The following PEX1 variants were observed in gnomAD, a reference collection of about 807,000 sequenced individuals.
The protein encoded by PEX1 is peroxisomal biogenesis factor 1, also known as peroxisomal ATPase PEX1.
A neutral mutation model predicts 152.5 loss-of-function variants in PEX1; 97 were observed. The ratio of observed to expected loss-of-function variants is 0.64; its 90% CI spans 0.54 to 0.75. PEX1 has a LOEUF of 0.75. Among genes scored for constraint, PEX1 ranks in the 30% least tolerant of loss-of-function variants. The pLI is 0.00. For missense variants in PEX1, 1,357 were observed against 1,516.3 expected, an observed-to-expected ratio of 0.89 and a Z score of 1.74; for synonymous variants, 485 against 531.6, an observed-to-expected ratio of 0.91 and a Z score of 1.21.
chr7:92,503,317 C>T (rs1163299336), intron 12 of PEX1, 122 bp from the exon 13 acceptor site: 3 of 801,080 alleles, frequency 3.7e-6, no homozygotes, highest in Non-Finnish European at 4.1e-6. Context: ...TGTATGGTAT[C>T]GCTCTTTCAT....
At chr7:92,511,281 T>G (rs1033538440) in intron 7 of PEX1, among the ~76,000 whole-genome samples, 1 of 152,034 alleles carries the variant, frequency 6.6e-6, no homozygotes, top group Non-Finnish European at 1.5e-5. Context: ...TACACCACTA[T>G]GTCAGGCTAA....
chr7:92,502,035 C>A lies in PEX1; in HGVS notation c.2271G>T (p.Leu757Phe), dbSNP rs142838522. 6.2e-7 allele frequency: 1 copy of A among 1,612,636 alleles called. No individual in the cohort carries two copies. The highest frequency in any genetic ancestry group is 1.7e-5 in the Admixed American group (1 of 59,984). The stretch of plus-strand genomic sequence containing the variant: ...CGGTGAACTTGTTTATATCACAGTC[C>A]AATTTATTTTTTATTACATTACACA... ...EILCNVIKNKLDCDINKFTDL... is the reference protein window; with the variant it reads ...EILCNVIKNKFDCDINKFTDL... The change falls in exon 14 of 24, where the codon TTG (leucine) becomes TTT (phenylalanine). Residue 757 changes from leucine to phenylalanine, a missense_variant. Transcript: ENST00000248633.
chr7:92,505,393 A>G (rs1280444218), intron 11 of PEX1, among the ~76,000 whole-genome samples: 2 of 147,704 alleles, frequency 1.4e-5, no homozygotes, highest in East Asian at 2.0e-4. Flanking sequence ...AGCCTGGGCT[A>G]CAGAGCAAGA....
chr7:92,501,223 C>T (rs1791907156), intron 15 of PEX1, among the ~76,000 whole-genome samples: 2 of 152,134 alleles, frequency 1.3e-5, no homozygotes, highest in South Asian at 2.1e-4. Context: ...ACTGGGGAGG[C>T]TGAGGCAGGA....
rs751341597 is a variant in PEX1 at position 92,517,562 on chromosome 7, T to C, written c.953A>G (p.Asp318Gly). The C allele has an allele frequency of 6.2e-7, 1 of 1,613,918 alleles. No individual in the cohort carries two copies. Among genetic ancestry groups the C allele is most frequent in the African/African-American group, 1.3e-5 (1 of 74,904 alleles). The change falls in exon 5 of 24, where the codon GAC becomes GGC. Residue 318 changes from aspartate to glycine, a missense_variant. Asp to Gly is a moderately conservative substitution (Grantham distance 94). Transcript: ENST00000248633. ...GGGCTCTACATCAAAATATTCCTGG[T>C]CCCATGGAAATACATGAATGGCACA... is the stretch of plus-strand genomic sequence containing the variant. ...KHCAIHVFPW[D>G]QEYFDVEPSF...
chr7:92,490,917 T>G (rs1471087087), intron 21 of PEX1, among the ~76,000 whole-genome samples: 3 of 152,242 alleles, frequency 2.0e-5, no homozygotes, highest in African/African-American at 4.8e-5. Context: ...TCTTACATTA[T>G]TGTATCAAAT....
At chr7:92,526,164 A>G (rs1793260061) in intron 1 of PEX1, among the ~76,000 whole-genome samples, 2 of 152,262 alleles carry the variant, frequency 1.3e-5, no homozygotes, top group African/African-American at 4.8e-5. Context: ...CTCTATCGTC[A>G]TTAAAATTCT....
rs561561515 is a variant in PEX1, at chr7:92,511,694, T to C, written c.1369A>G (p.Ile457Val). Residue 457 changes from isoleucine (I) to valine (V), a missense_variant, in exon 7 of 24, where the codon ATA becomes GTA. By Grantham distance (29) the Ile-to-Val change is conservative. Transcript: ENST00000248633. ...ACAGTTTTTATGTCTTCTTCACTTA[T>C]GTCTTTAGGCTGCCAGAAAAAGGAA... Reference protein sequence around the residue: ...LQPRENLPKDISEEDIKTVFY... With the variant: ...LQPRENLPKDVSEEDIKTVFY... 69 of 1,611,762 alleles carry C rather than the reference T, an allele frequency of 4.3e-5. No individual in the cohort carries two copies. The highest frequency in any genetic ancestry group is 1.5e-4 in the Admixed American group (9 of 59,992).
At chr7:92,502,918 A>G in intron 13 of PEX1, 123 bp downstream of exon 13, 1 of 833,160 alleles carries the variant, frequency 1.2e-6, no homozygotes, top group Non-Finnish European at 2.0e-6. Flanking sequence ...CCAAATGTTG[A>G]CTTACATATC....
intron 19 of PEX1, chr7:92,493,389 C>T: frequency 4.7e-6 from 1 of 210,806 alleles, no homozygotes; most frequent in South Asian, 1.1e-4. Context: ...AATCCCAACA[C>T]TTTGGGAGGT....
intron 11 of PEX1, among the ~76,000 whole-genome samples, chr7:92,505,464 A>G (rs1792148139): frequency 6.6e-6 from 1 of 152,042 alleles, no homozygotes; most frequent in Non-Finnish European, 1.5e-5. Context: ...TAATTCCTGT[A>G]TGCATGTATT....
chr7:92,507,716 C>G (rs971889789), intron 9 of PEX1: 1 of 146,590 alleles, frequency 6.8e-6, no homozygotes, highest in African/African-American at 2.6e-5. Context: ...GATCTCGGCT[C>G]ACTGCAACCT....
chr7:92,498,818 A>AT (rs1791782350), intron 16 of PEX1, among the ~76,000 whole-genome samples: 1 of 152,214 alleles, frequency 6.6e-6, no homozygotes, highest in Admixed American at 6.5e-5. Context: ...TAACAGAACC[A>AT]TAAAAACCCC....
intron 20 of PEX1, among the ~76,000 whole-genome samples, chr7:92,492,385 G>T (rs917078559): frequency 6.6e-6 from 1 of 152,134 alleles, no homozygotes; most frequent in African/African-American, 2.4e-5. Context: ...CCATGATTTG[G>T]TCTCAAACTA....
At chr7:92,522,599 A>G (rs1237734778) in intron 1 of PEX1, among the ~76,000 whole-genome samples, 1 of 152,246 alleles carries the variant, frequency 6.6e-6, no homozygotes, top group Admixed American at 6.5e-5. Flanking sequence ...AAGAAACTAT[A>G]GCAAAAGCTA....
intron 5 of PEX1, among the ~76,000 whole-genome samples, chr7:92,514,195 G>A (rs998259519): frequency 1.3e-5 from 2 of 152,088 alleles, no homozygotes; most frequent in African/African-American, 2.4e-5. Context: ...TCTTTTATAA[G>A]AGCACGAATC....
intron 21 of PEX1, chr7:92,490,114 CCAT>C: frequency 3.4e-6 from 2 of 590,522 alleles, no homozygotes; most frequent in Non-Finnish European, 6.0e-6. Flanking sequence ...TATAGAACCA[CCAT>C]CAAGTGAAAA....
rs1792195313 is a variant in PEX1 at position 92,506,459 on chromosome 7, A to T, written c.1804-115T>A. 5 of 739,454 alleles carry T rather than the reference A, an allele frequency of 6.8e-6. No homozygotes were observed. The South Asian group carries it at 7.3e-5, about 11-fold the overall frequency. 45.8% of individuals were successfully genotyped at this position (739,454 alleles called of 1,614,324 possible). ...AATTTTATACAACCTCTTCCAAAAA[A>T]ACAAAAGAAGAGGAGAGAATACTTC... On this transcript the variant is annotated intron_variant, in intron 10 of 23. Transcript: ENST00000248633.
At chr7:92,500,475 CATAT>C (rs1256851887) in intron 15 of PEX1, among the ~76,000 whole-genome samples, 1 of 152,224 alleles carries the variant, frequency 6.6e-6, no homozygotes, top group Non-Finnish European at 1.5e-5. Context: ...AGCAGTTACG[CATAT>C]AGTCTCCATG....
Sources: gnomAD v4.1 joint callset for allele counts (sites outside exome capture counted in the v4.1 genomes callset) on GRCh38, gnomAD v4.1.1 for gene constraint, MANE v1.5 for transcripts, NCBI Gene and HGNC (gene_info 2026-07-23, HGNC 2026-07-21) for gene names.